The following DGKB variants were observed in gnomAD, a reference collection of about 807,000 sequenced individuals.
The protein encoded by DGKB is 90 kDa diacylglycerol kinase.
In DGKB, 67 loss-of-function variants were observed where a neutral mutation model predicts 114.3. The observed-to-expected ratio is 0.59, with a 90% CI of 0.48 to 0.72. The LOEUF is 0.72. Among genes scored for constraint, DGKB ranks in the 30% least tolerant of loss-of-function variants. The pLI, the probability that DGKB is intolerant of heterozygous loss-of-function variation, is 0.00. For synonymous variants in DGKB, 398 were observed against 323.1 expected, an observed-to-expected ratio of 1.23 and a Z score of -2.49; for missense variants, 907 against 975.2, an observed-to-expected ratio of 0.93 and a Z score of 0.93.
chr7:14,880,645 A>C (rs1854079426), intron 1 of DGKB, among the ~76,000 whole-genome samples: 6 of 152,190 alleles, frequency 3.9e-5, no homozygotes. Context: ...AGGGAAGCTG[A>C]GATACAATAA....
intron 23 of DGKB, among the ~76,000 whole-genome samples, chr7:14,240,700 T>G (rs188032101): frequency 1.3e-4 from 20 of 152,256 alleles, no homozygotes; most frequent in African/African-American, 4.3e-4. Flanking sequence ...TATTTACTTA[T>G]AGTGGTGAGA....
chr7:14,509,221 C>T (rs553376172), intron 20 of DGKB, among the ~76,000 whole-genome samples: 25 of 152,182 alleles, frequency 1.6e-4, no homozygotes, highest in African/African-American at 6.0e-4. Context: ...AGTTCTAGAA[C>T]ACCACAATAA....
At chr7:14,834,119 C>A in intron 2 of DGKB, among the ~76,000 whole-genome samples, 1 of 152,062 alleles carries the variant, frequency 6.6e-6, no homozygotes, top group African/African-American at 2.4e-5. Flanking sequence ...GAATCACAAC[C>A]TGTAAACCAT....
At chr7:14,569,689 TTC>T (rs1225080436) in intron 20 of DGKB, among the ~76,000 whole-genome samples, 1 of 152,158 alleles carries the variant, frequency 6.6e-6, no homozygotes, top group African/African-American at 2.4e-5. Flanking sequence ...ACAAATTTAT[TTC>T]TCTCCTTATT....
At chr7:14,656,468 A>G (rs1815811995) in intron 13 of DGKB, among the ~76,000 whole-genome samples, 1 of 151,484 alleles carries the variant, frequency 6.6e-6, no homozygotes, top group Non-Finnish European at 1.5e-5. Flanking sequence ...GGCCTAATTA[A>G]TCTTCTTGAC....
At chr7:14,522,295 G>A (rs1238676677) in intron 20 of DGKB, among the ~76,000 whole-genome samples, 2 of 152,138 alleles carry the variant, frequency 1.3e-5, no homozygotes, top group African/African-American at 4.8e-5. Context: ...GGTGTGGGTA[G>A]CTTGGGCCTG....
intron 23 of DGKB, among the ~76,000 whole-genome samples, chr7:14,264,099 C>A (rs748184341): frequency 1.3e-5 from 2 of 152,014 alleles, no homozygotes; most frequent in Non-Finnish European, 2.9e-5. Context: ...TCCATGTGAT[C>A]AAATCAGATT....
chr7:14,264,267 T>G (rs1242172385), intron 23 of DGKB, among the ~76,000 whole-genome samples: 6 of 152,158 alleles, frequency 3.9e-5, no homozygotes. Context: ...CAGCTCTTCT[T>G]AGGATTAATG....
intron 1 of DGKB, among the ~76,000 whole-genome samples, chr7:14,957,843 G>A (rs1349557977): frequency 1.3e-5 from 2 of 151,900 alleles, no homozygotes; most frequent in African/African-American, 4.8e-5. Flanking sequence ...TTCATTTATA[G>A]AGTCTTAAAT....
chr7:14,573,654 T>G (rs1194002664), intron 20 of DGKB, among the ~76,000 whole-genome samples: 1 of 152,108 alleles, frequency 6.6e-6, no homozygotes, highest in Admixed American at 6.5e-5. Context: ...AGGATTAAAA[T>G]TTTAATAACT....
intron 5 of DGKB, among the ~76,000 whole-genome samples, chr7:14,733,405 G>A (rs1199806393): frequency 6.6e-6 from 1 of 152,166 alleles, no homozygotes; most frequent in African/African-American, 2.4e-5. Context: ...TAGATGGGAA[G>A]GCCAGACGCC....
At chr7:14,336,174 A>G (rs1464535026) in intron 23 of DGKB, among the ~76,000 whole-genome samples, 1 of 152,232 alleles carries the variant, frequency 6.6e-6, no homozygotes, top group Admixed American at 6.5e-5. Context: ...ACATTGAAGA[A>G]TTAGCAGAAT....
At chr7:14,222,534 T>C (rs1392194863) in intron 23 of DGKB, among the ~76,000 whole-genome samples, 4 of 151,462 alleles carry the variant, frequency 2.6e-5, no homozygotes, top group Non-Finnish European at 4.4e-5. Flanking sequence ...CTTTACTTTA[T>C]GGGCTAGCAT....
chr7:14,920,000 T>A (rs1784438186), intron 1 of DGKB, among the ~76,000 whole-genome samples: 1 of 152,172 alleles, frequency 6.6e-6, no homozygotes, highest in Non-Finnish European at 1.5e-5. Flanking sequence ...CCTATATAAA[T>A]TACCCTGTCT....
intron 17 of DGKB, among the ~76,000 whole-genome samples, chr7:14,592,630 T>C (rs1013893873): frequency 2.6e-5 from 4 of 151,952 alleles, no homozygotes; most frequent in African/African-American, 7.2e-5. Flanking sequence ...TATCTGTACA[T>C]ACCTTGGTAT....
intron 13 of DGKB, among the ~76,000 whole-genome samples, chr7:14,637,287 C>T (rs1439544086): frequency 6.6e-6 from 1 of 151,740 alleles, no homozygotes; most frequent in Non-Finnish European, 1.5e-5. Context: ...ATATATTCCT[C>T]AGAAAATTTT....
At chr7:14,335,432 G>T (rs952943329) in intron 23 of DGKB, among the ~76,000 whole-genome samples, 4 of 151,900 alleles carry the variant, frequency 2.6e-5, no homozygotes, top group Non-Finnish European at 5.9e-5. Context: ...ATGAAAGCAA[G>T]TATCTATTTC....
intron 21 of DGKB, among the ~76,000 whole-genome samples, chr7:14,399,856 G>A (rs1465975503): frequency 6.6e-6 from 1 of 151,742 alleles, no homozygotes; most frequent in East Asian, 1.9e-4. Context: ...ATGACAAAAT[G>A]AAAGTTTTTT....
intron 20 of DGKB, among the ~76,000 whole-genome samples, chr7:14,508,249 T>TA (rs1787410614): frequency 6.6e-6 from 1 of 152,218 alleles, no homozygotes; most frequent in South Asian, 2.1e-4. Context: ...GTGGCTCTAT[T>TA]AAATATTCTT....
Sources: allele counts gnomAD v4.1 joint callset (sites outside exome capture counted in the v4.1 genomes callset), GRCh38; gene constraint gnomAD v4.1.1; transcripts MANE v1.5; gene names NCBI Gene and HGNC (gene_info 2026-07-23, HGNC 2026-07-21).